The following DMXL1 variants were observed in gnomAD, a reference collection of about 807,000 sequenced individuals.
DMXL1 encodes the protein Dmx like 1.
A neutral mutation model predicts 319.2 loss-of-function variants in DMXL1; 99 were observed. The ratio of observed to expected loss-of-function variants is 0.31; its 90% CI spans 0.26 to 0.37. DMXL1 has a LOEUF of 0.37. DMXL1 is among the 10% of genes least tolerant of loss of function. DMXL1 has a pLI of 1.00. For missense variants in DMXL1, 3,745 were observed against 3,595.6 expected (o/e 1.04, Z -1.06); for synonymous variants, 1,385 against 1,235.2 (o/e 1.12, Z -2.54).
At chr5:119,139,510 G>A (rs1472959763) in intron 13 of DMXL1, among the ~76,000 whole-genome samples, 1 of 152,112 alleles carries the variant, frequency 6.6e-6, no homozygotes, top group African/African-American at 2.4e-5. Context: ...AACCAACAAA[G>A]ATTAGAAAAA....
At chr5:119,218,724 G>T (rs1447535654) in intron 35 of DMXL1, among the ~76,000 whole-genome samples, 3 of 152,188 alleles carry the variant, frequency 2.0e-5, no homozygotes, top group Non-Finnish European at 2.9e-5. Flanking sequence ...CTCCCAAAGT[G>T]CTGGGATTAC....
chr5:119,175,425 A>G (rs74782096), intron 26 of DMXL1, 88 bp downstream of exon 26: 18,752 of 934,872 alleles, frequency 0.02, 260 homozygotes, highest in Non-Finnish European at 0.022. Flanking sequence ...AACTATATAT[A>G]ACAGTCTTTT....
chr5:119,161,491 T>C (rs1309697132), intron 19 of DMXL1, among the ~76,000 whole-genome samples: 3 of 152,258 alleles, frequency 2.0e-5, no homozygotes, highest in Non-Finnish European at 4.4e-5. Flanking sequence ...TGTTTGAAGC[T>C]TGCCCTCCTG....
chr5:119,246,752 G>C (rs1283616897), intron 43 of DMXL1, among the ~76,000 whole-genome samples: 1 of 149,728 alleles, frequency 6.7e-6, no homozygotes, highest in Non-Finnish European at 1.5e-5. Flanking sequence ...TCCTGCCCCA[G>C]CCTCCTGAGT....
At chr5:119,105,149 TA>T in intron 3 of DMXL1, 30 bp from the exon 4 acceptor site, 1 of 1,424,808 alleles carries the variant, frequency 7.0e-7, no homozygotes, top group Non-Finnish European at 9.9e-7. Context: ...ATGCCAATCA[TA>T]ATGGGCTAAA....
rs542931760 is a variant in DMXL1 at position 119,151,834 on chromosome 5, C to G, written c.4595-95C>G. 5.3e-5 allele frequency: 33 copies of G among 619,168 alleles called. No homozygotes were observed. The African/African-American group carries it at 6.2e-4, about 12-fold the overall frequency. The allele number at this position is 619,168 out of a possible 1,614,324, so 38.4% of individuals were successfully genotyped here. ...AATATTTTACACTGATAACTTTTTT[C>G]TTGGTCAGGTTAAGAATGTTATATG... On this transcript the variant is annotated intron_variant, in intron 18 of 43. Transcript: ENST00000539542.
Position 119,149,839 on chromosome 5 carries a change from A to G in DMXL1, c.4012A>G (p.Lys1338Glu). Reference sequence around the variant, plus strand: ...GCTTTTGGAACTCATGGATCTTGGTAAAGTTCGGAGAGCCAAGGCCATCTT... The same window carrying G: ...GCTTTTGGAACTCATGGATCTTGGTGAAGTTCGGAGAGCCAAGGCCATCTT... ...LQLLELMDLG[K>E]VRRAKAILSH... Residue 1338 changes from lysine to glutamate, a missense_variant, in exon 18 of 44, where the codon AAA becomes GAA. Around this residue, in one of 4 missense-constraint regions of DMXL1, gnomAD observed 2,096 missense variants for 1,985.4 expected, o/e 1.06. Coordinates refer to ENST00000539542, the MANE Select transcript of DMXL1 (RefSeq NM_001290321.3). 2 of 1,613,900 alleles carry G rather than the reference A, an allele frequency of 1.2e-6. No individual in the cohort carries two copies. The highest frequency in any genetic ancestry group is 1.7e-6 in the Non-Finnish European group (2 of 1,179,904).
rs567157681 is a variant in DMXL1 at position 119,137,914 on chromosome 5, G to A, written c.2376+3525G>A. On this transcript the variant is annotated intron_variant, in intron 13 of 43. Coordinates refer to ENST00000539542, the MANE Select transcript of DMXL1 (RefSeq NM_001290321.3). ...AGCATGTGAGGTGGAAAATAGTCAG[G>A]GATAAAGTCGGAAAGTTAGCCTGGC... 3.4e-4 allele frequency among the ~76,000 whole-genome samples: 51 copies of A among 152,124 alleles called. 1 individual carries two copies. The highest frequency in any genetic ancestry group is 4.3e-4 in the Non-Finnish European group (29 of 68,018).
chr5:119,246,956 A>G (rs1789912081), intron 43 of DMXL1, 39 bp from the exon 44 acceptor site: 1 of 1,481,344 alleles, frequency 6.8e-7, no homozygotes, highest in Non-Finnish European at 9.3e-7. Context: ...TAAGGTCATC[A>G]TCAACCCTAA....
intron 43 of DMXL1, 75 bp downstream of exon 43, chr5:119,244,651 CAT>C: frequency 9.7e-7 from 1 of 1,026,536 alleles, no homozygotes; most frequent in Non-Finnish European, 1.5e-6. Flanking sequence ...GTATTGATGA[CAT>C]CAATCTATTT....
At chr5:119,232,131 C>A (rs1277624701) in intron 38 of DMXL1, among the ~76,000 whole-genome samples, 1 of 151,944 alleles carries the variant, frequency 6.6e-6, no homozygotes, top group Non-Finnish European at 1.5e-5. Flanking sequence ...TAGGTGTGTG[C>A]CACCAAACCC....
At position 119,116,164 on chromosome 5, in the gene DMXL1, T is replaced by C. The variant is rs1420858711; in HGVS notation, c.571T>C (p.Cys191Arg). ...EFFATAGKDDCLLKVWYNVEN... is the reference protein window; with the variant it reads ...EFFATAGKDDRLLKVWYNVEN... ...TTGTTTTTTTTTTCCTTAGGATGAC[T>C]GTCTTTTGAAGGTTTGGTATAATGT... The change falls in exon 7 of 44, where the codon TGT becomes CGT. Residue 191 changes from cysteine to arginine, a missense_variant. Coordinates refer to ENST00000539542, the MANE Select transcript of DMXL1 (RefSeq NM_001290321.3). 6 of 1,596,804 alleles carry C rather than the reference T, an allele frequency of 3.8e-6. No homozygotes were observed. The East Asian group carries it at 8.9e-5, about 24-fold the overall frequency.
At chr5:119,232,808 TAA>T (rs562400763) in intron 38 of DMXL1, among the ~76,000 whole-genome samples, 14 of 137,790 alleles carry the variant, frequency 1.0e-4, no homozygotes, top group Admixed American at 1.5e-4. Context: ...ACCCTGTCTC[TAA>T]AAAAAAAAAA....
chr5:119,082,403 T>C (rs1580583747), intron 1 of DMXL1, among the ~76,000 whole-genome samples: 1 of 152,118 alleles, frequency 6.6e-6, no homozygotes. Flanking sequence ...GTGTCCCAAG[T>C]AGCTGGGACG....
rs558371917 is a variant in DMXL1, at chr5:119,130,344, T to G, written c.1315+921T>G. Among the ~76,000 whole-genome samples the G allele has an allele frequency of 7.6e-4, 116 of 151,864 alleles. 2 individuals are homozygous for G. Among genetic ancestry groups the G allele is most frequent in the Admixed American group, 1.9e-3 (29 of 15,260 alleles). ...TGTTCTGCACTTTGTGTTTTTTTTT[T>G]GTTTGTTTGTTTTTTTTTGATGGGG... On this transcript the variant is annotated intron_variant, in intron 10 of 43. Transcript: ENST00000539542.
intron 9 of DMXL1, 109 bp downstream of exon 9, chr5:119,121,248 CTT>C: frequency 1.2e-6 from 1 of 822,560 alleles, no homozygotes; most frequent in Non-Finnish European, 1.7e-6. Flanking sequence ...AGGTGACTGT[CTT>C]AGCCTATTTT....
chr5:119,152,811 T>C lies in DMXL1; in HGVS notation c.4702+775T>C, dbSNP rs367633409. On this transcript the variant is annotated intron_variant, in intron 19 of 43. Coordinates refer to ENST00000539542, the MANE Select transcript of DMXL1 (RefSeq NM_001290321.3). ...GGAACTATAGGTTTAAAAAGTGTTA[T>C]TGGGACTTTGCAGTTTAGCCTTTTA... is the stretch of plus-strand genomic sequence containing the variant. Among the ~76,000 whole-genome samples the C allele has an allele frequency of 7.9e-5, 12 of 152,318 alleles. No individual in the cohort carries two copies. In the East Asian group the frequency reaches 1.5e-3, roughly 20 times the overall value.
chr5:119,220,836 AAATT>A, intron 36 of DMXL1, 100 bp from the exon 37 acceptor site: 1 of 1,390,900 alleles, frequency 7.2e-7, no homozygotes, highest in Non-Finnish European at 9.8e-7. Flanking sequence ...GAGCTGAAGA[AAATT>A]AATTTTAAAG....
At chr5:119,179,686 C>G (rs1042322811) in intron 28 of DMXL1, among the ~76,000 whole-genome samples, 1 of 152,156 alleles carries the variant, frequency 6.6e-6, no homozygotes, top group Non-Finnish European at 1.5e-5. Flanking sequence ...GCAGTTTCCA[C>G]TAACCTGTGG....
Sources: gnomAD v4.1 joint callset for allele counts (sites outside exome capture counted in the v4.1 genomes callset) on GRCh38, gnomAD v4.1.1 for gene constraint, gnomAD v4.1.1 regional missense constraint, MANE v1.5 for transcripts, NCBI Gene and HGNC (gene_info 2026-07-23, HGNC 2026-07-21) for gene names.